The following NTM variants were observed in gnomAD, a reference collection of about 807,000 sequenced individuals.
NTM encodes neurotrimin, also known as IgLON family member 2.
A neutral mutation model predicts 42.1 loss-of-function variants in NTM; 13 were observed. The observed-to-expected ratio is 0.31, with a 90% CI of 0.20 to 0.49. The LOEUF is 0.49. NTM is among the 20% of genes least tolerant of loss of function. NTM has a pLI of 0.99. For missense variants in NTM, 373 were observed against 452.8 expected, an observed-to-expected ratio of 0.82 and a Z score of 1.60; for synonymous variants, 187 against 179.2, an observed-to-expected ratio of 1.04 and a Z score of -0.35.
intron 1 of NTM, among the ~76,000 whole-genome samples, chr11:131,399,974 T>C (rs370065293): frequency 1.3e-5 from 2 of 152,198 alleles, no homozygotes; most frequent in South Asian, 4.1e-4. Flanking sequence ...TGCACCTATT[T>C]TGATGTATGA....
At chr11:132,130,724 C>T (rs555742417) in intron 2 of NTM, among the ~76,000 whole-genome samples, 8 of 152,310 alleles carry the variant, frequency 5.3e-5, no homozygotes, top group African/African-American at 1.9e-4. Context: ...CCCTGCCCCT[C>T]AGAGAATAGG....
chr11:131,850,735 G>A (rs1448387199), intron 1 of NTM, among the ~76,000 whole-genome samples: 10 of 152,148 alleles, frequency 6.6e-5, no homozygotes, highest in East Asian at 3.9e-4. Flanking sequence ...CGGTGCCATC[G>A]GATTTGGCTG....
At position 131,643,736 on chromosome 11, in the gene NTM, C is replaced by T. The variant is rs1020548465; in HGVS notation, c.83-267828C>T. Among the ~76,000 whole-genome samples the T allele has an allele frequency of 5.3e-4, 81 of 152,144 alleles. 2 individuals are homozygous for T. The highest frequency in any genetic ancestry group is 5.2e-3 in the Admixed American group (79 of 15,274). ...TCTGGTTGCTGGAGCTACAATAACA[C>T]AGTGCAGAAACGTGTGCTGCCATTA... On this transcript the variant is annotated intron_variant, in intron 1 of 8. Coordinates refer to ENST00000683400, the MANE Select transcript of NTM (RefSeq NM_001352005.2).
chr11:131,759,566 T>TA (rs2135785335), intron 1 of NTM, among the ~76,000 whole-genome samples: 1 of 152,280 alleles, frequency 6.6e-6, no homozygotes, highest in South Asian at 2.1e-4. Context: ...AACAATGCTA[T>TA]TTTCCTGGAG....
At chr11:131,826,787 C>G (rs1039357009) in intron 1 of NTM, among the ~76,000 whole-genome samples, 1 of 152,096 alleles carries the variant, frequency 6.6e-6, no homozygotes, top group Non-Finnish European at 1.5e-5. Context: ...TGGTCCCAAA[C>G]TGCCAGAGTG....
chr11:132,191,133 A>G (rs1490449067), intron 3 of NTM, among the ~76,000 whole-genome samples: 1 of 152,070 alleles, frequency 6.6e-6, no homozygotes, highest in Non-Finnish European at 1.5e-5. Context: ...GCAGCCCCCT[A>G]CCCCTGCACA....
At chr11:132,274,778 A>G (rs1385221853) in intron 4 of NTM, among the ~76,000 whole-genome samples, 1 of 152,136 alleles carries the variant, frequency 6.6e-6, no homozygotes, top group African/African-American at 2.4e-5. Context: ...AATGGAGTAT[A>G]CTATATGCCA....
rs539489757 is a variant in NTM, at chr11:132,015,805, A to G, written c.167+104157A>G. Among the ~76,000 whole-genome samples the G allele has an allele frequency of 1.6e-4, 25 of 152,010 alleles. 1 individual carries two copies. The South Asian group carries it at 5.0e-3, about 30-fold the overall frequency. On this transcript the variant is annotated intron_variant, in intron 2 of 8. Coordinates refer to ENST00000683400, the MANE Select transcript of NTM (RefSeq NM_001352005.2). Reference sequence around the variant, plus strand: ...TTACTGAATTTTTAAATCAGATCTAATAGGTTTTTTGGTGGCATCTTTAGG... The same window carrying G: ...TTACTGAATTTTTAAATCAGATCTAGTAGGTTTTTTGGTGGCATCTTTAGG...
intron 1 of NTM, among the ~76,000 whole-genome samples, chr11:131,828,157 C>T (rs80073620): frequency 0.015 from 2,211 of 152,106 alleles, 44 homozygotes; most frequent in African/African-American, 0.051. Context: ...CTCTCAATAA[C>T]GTTTTTAGGT....
chr11:132,014,923 T>C (rs1426144610), intron 2 of NTM, among the ~76,000 whole-genome samples: 1 of 152,004 alleles, frequency 6.6e-6, no homozygotes, highest in Non-Finnish European at 1.5e-5. Flanking sequence ...ATTTTTGTTT[T>C]TGTTGTCTGT....
chr11:131,985,047 A>T (rs1380861469), intron 2 of NTM, among the ~76,000 whole-genome samples: 1 of 152,060 alleles, frequency 6.6e-6, no homozygotes, highest in East Asian at 1.9e-4. Context: ...GTTCTCAAAC[A>T]TTTCTGAAAT....
chr11:131,810,477 A>G (rs985911965), intron 1 of NTM, among the ~76,000 whole-genome samples: 7 of 152,174 alleles, frequency 4.6e-5, no homozygotes, highest in African/African-American at 1.7e-4. Flanking sequence ...CTGGTAGATG[A>G]ATGAGATCAT....
chr11:131,926,830 G>T (rs190163821), intron 2 of NTM, among the ~76,000 whole-genome samples: 1 of 152,132 alleles, frequency 6.6e-6, no homozygotes, highest in African/African-American at 2.4e-5. Context: ...AGGATCCGGG[G>T]TTTTCTAACT....
intron 2 of NTM, among the ~76,000 whole-genome samples, chr11:131,993,067 T>C (rs1001650390): frequency 5.9e-5 from 9 of 152,198 alleles, no homozygotes; most frequent in African/African-American, 2.2e-4. Flanking sequence ...AAAAGTTCAG[T>C]AAGTTATTCT....
At chr11:132,143,830 T>G (rs777368969) in intron 2 of NTM, among the ~76,000 whole-genome samples, 2 of 152,166 alleles carry the variant, frequency 1.3e-5, no homozygotes, top group Non-Finnish European at 2.9e-5. Flanking sequence ...CAGTACCAGA[T>G]GGCAGTCATG....
At chr11:131,508,958 C>T (rs1036154688) in intron 1 of NTM, among the ~76,000 whole-genome samples, 5 of 150,372 alleles carry the variant, frequency 3.3e-5, no homozygotes, top group East Asian at 3.9e-4. Flanking sequence ...CTGGGTGCAG[C>T]GCACCAACAT....
chr11:132,115,416 G>T (rs1241382857), intron 2 of NTM, among the ~76,000 whole-genome samples: 1 of 152,180 alleles, frequency 6.6e-6, no homozygotes, highest in Non-Finnish European at 1.5e-5. Context: ...ACATGAGATT[G>T]CACAACTTAA....
chr11:132,024,093 C>T (rs912460733), intron 2 of NTM, among the ~76,000 whole-genome samples: 6 of 152,018 alleles, frequency 3.9e-5, no homozygotes, highest in Non-Finnish European at 7.4e-5. Context: ...GCTGGGATTA[C>T]AGGTGTGAGC....
At chr11:131,687,826 T>C (rs2074101263) in intron 1 of NTM, among the ~76,000 whole-genome samples, 1 of 151,972 alleles carries the variant, frequency 6.6e-6, no homozygotes, top group African/African-American at 2.4e-5. Context: ...GCCTCTGCTG[T>C]AGATCTTTGG....
Sources: allele counts gnomAD v4.1 joint callset (sites outside exome capture counted in the v4.1 genomes callset), GRCh38; gene constraint gnomAD v4.1.1; transcripts MANE v1.5; gene names NCBI Gene and HGNC (gene_info 2026-07-23, HGNC 2026-07-21).